Variants in FBF1 observed in about 807,000 individuals in gnomAD.
The protein encoded by FBF1 is fas-binding factor 1.
A neutral mutation model predicts 147.2 loss-of-function variants in FBF1; 119 were observed. That is an observed-to-expected ratio of 0.81 (90% CI 0.70 to 0.94). The LOEUF (loss-of-function observed/expected upper bound fraction) is 0.94, where lower values mean the gene tolerates loss of function less well. FBF1 is among the 40% of genes least tolerant of loss of function. The pLI, the probability that FBF1 is intolerant of heterozygous loss-of-function variation, is 0.00. For synonymous variants in FBF1, 601 were observed against 609.0 expected (o/e 0.99, Z 0.19); for missense variants, 1,449 against 1,500.8 (o/e 0.97, Z 0.57).
At chr17:75,938,016 C>G (rs59828131) in intron 2 of FBF1, 131 bp downstream of exon 2, 5 of 1,385,328 alleles carry the variant, frequency 3.6e-6, no homozygotes, top group Admixed American at 4.1e-5. Context: ...CCTCCTGTCA[C>G]TCTTCTCCAG....
At position 75,917,641 on chromosome 17, in the gene FBF1, G is replaced by A. The variant is rs907283898; in HGVS notation, c.2505+91C>T. On this transcript the variant is annotated intron_variant, in intron 23 of 29. Coordinates refer to ENST00000636174, the MANE Select transcript of FBF1 (RefSeq NM_001319193.2). ...TGGGGCCTTGACCTCCTGAGGAAGT[G>A]AGGTCACGGGAGTGCCGCTACACTT... is the stretch of plus-strand genomic sequence containing the variant. 31 of 1,165,826 alleles carry A rather than the reference G, an allele frequency of 2.7e-5. No homozygotes were observed. The African/African-American group carries it at 4.1e-4, about 15-fold the overall frequency. The allele number at this position is 1,165,826 out of a possible 1,614,324, so 72.2% of individuals were successfully genotyped here.
chr17:75,914,146 G>C lies in FBF1; in HGVS notation c.2967C>G (p.Ala989=), dbSNP rs935770930. Residue 989 remains alanine (A), a synonymous_variant, in exon 26 of 30, where the codon GCC becomes GCG. Coordinates refer to ENST00000636174, the MANE Select transcript of FBF1 (RefSeq NM_001319193.2). ...CCTTGCTCATGCTCTCCACCTCCTC[G>C]GCGCGGAGCTTGACACGCAGGGCGG... ...NATALRVKLR[A]EEVESMSKVA... 2 of 1,601,916 alleles carry C rather than the reference G, an allele frequency of 1.2e-6. No individual in the cohort carries two copies. Among genetic ancestry groups the C allele is most frequent in the Non-Finnish European group, 8.5e-7 (1 of 1,176,880 alleles).
At position 75,918,247 on chromosome 17, in the gene FBF1, T is replaced by C; in HGVS notation, c.2161A>G (p.Arg721Gly). The change falls in exon 21 of 30, where the codon AGA (arginine) becomes GGA (glycine). Residue 721 changes from arginine to glycine, a missense_variant. Coordinates refer to ENST00000636174, the MANE Select transcript of FBF1 (RefSeq NM_001319193.2). The surrounding 1 kb of genome is among the most constrained non-coding windows in gnomAD (Gnocchi z 5.8). ...LQRASILDMR[R>G]DHEEQLQRLK... ...CGCTGCAGCTGCTCCTCGTGGTCTC[T>C]GCGCATGTCTAGGATGGACGCCCTG... The C allele has an allele frequency of 1.2e-6, 2 of 1,613,342 alleles. No individual in the cohort carries two copies. The highest frequency in any genetic ancestry group is 1.7e-6 in the Non-Finnish European group (2 of 1,179,798).
At chr17:75,924,285 G>A (rs375465748) in intron 13 of FBF1, among the ~76,000 whole-genome samples, 7 of 152,186 alleles carry the variant, frequency 4.6e-5, no homozygotes, top group Non-Finnish European at 7.3e-5. Context: ...TTGTTCGGCC[G>A]TGGCCTTCAT....
At chr17:75,921,833 C>CACGGGGACGGGG in intron 15 of FBF1, 112 bp downstream of exon 15, 2 of 968,080 alleles carry the variant, frequency 2.1e-6, no homozygotes, top group Non-Finnish European at 3.1e-6. Flanking sequence ...CTGTGTGGGA[C>CACGGGGACGGGG]ACGGGGACGG....
intron 6 of FBF1, among the ~76,000 whole-genome samples, chr17:75,930,525 C>T (rs1183410579): frequency 6.6e-6 from 1 of 152,098 alleles, no homozygotes; most frequent in Non-Finnish European, 1.5e-5. Context: ...TTTGGGAGGC[C>T]GAGGCGGGTA....
In FBF1 at chr17:75,927,524, T is replaced by C; in HGVS notation, c.406A>G (p.Ile136Val). 6.2e-7 allele frequency: 1 copy of C among 1,600,950 alleles called. No individual in the cohort carries two copies. The highest frequency in any genetic ancestry group is 2.3e-5 in the East Asian group (1 of 44,314). ...GACGGAAGTGACTTCTTGGTGGGAA[T>C]GGCACCCCCTGCAGGAAGCAGAAGA... ...PNHPKPAGGA[I>V]PTKKSLPSPS... is the part of the protein sequence containing the mutation. Residue 136 changes from isoleucine (I) to valine (V), a missense_variant, in exon 9 of 30, where the codon ATT becomes GTT. Coordinates refer to ENST00000636174, the MANE Select transcript of FBF1 (RefSeq NM_001319193.2).
Position 75,925,549 on chromosome 17 carries a change from A to ACAC in FBF1, c.869-104_869-103insGTG. On this transcript the variant is annotated intron_variant, in intron 12 of 29. Coordinates refer to ENST00000636174, the MANE Select transcript of FBF1 (RefSeq NM_001319193.2). This position sits in a 1 kb window ranked among gnomAD's most constrained non-coding sequence, Gnocchi z 5.0. ...AGCTGAATTTGGTAGCTTGTTGTGTAAGACAAGCAGAGGGAAGCTGCTGTG... is the reference window on the plus strand; with the variant it reads ...AGCTGAATTTGGTAGCTTGTTGTGTACACAGACAAGCAGAGGGAAGCTGCTGTG... 3.0e-6 allele frequency: 3 copies of ACAC among 1,016,182 alleles called. No individual in the cohort carries two copies. Among genetic ancestry groups the ACAC allele is most frequent in the Non-Finnish European group, 4.4e-6 (3 of 683,608 alleles). 62.9% of individuals were successfully genotyped at this position (1,016,182 alleles called of 1,614,324 possible). A position where few individuals can be genotyped will look rare whatever the true frequency, so the allele number is the denominator to read the frequency against.
chr17:75,911,534 A>T lies in FBF1; in HGVS notation c.3363+658T>A, dbSNP rs75894818. Among the ~76,000 whole-genome samples the T allele has an allele frequency of 4.4e-3, 665 of 151,898 alleles. 2 individuals carry two copies. Among genetic ancestry groups the T allele is most frequent in the African/African-American group, 0.015 (639 of 41,406 alleles). On this transcript the variant is annotated intron_variant, in intron 29 of 29. Coordinates refer to ENST00000636174, the MANE Select transcript of FBF1 (RefSeq NM_001319193.2). ...GCTAATTTTTAAATTTTTAATATTT[A>T]TTTTTTTGAGACAGAGTCTCGCTCT...
At position 75,914,990 on chromosome 17, in the gene FBF1, G is replaced by A. The variant is rs1376945501; in HGVS notation, c.2628+27C>T. ...GTCCCTGGGCATAATGGCAGGGGCA[G>A]GGGCTGAGTGCGGTGGCTTGACTCA... On this transcript the variant is annotated intron_variant, in intron 24 of 29. Transcript: ENST00000636174. 3 of 1,612,828 alleles carry A rather than the reference G, an allele frequency of 1.9e-6. No homozygotes were observed. In the South Asian group the frequency reaches 3.3e-5, roughly 18 times the overall value.
rs376515711 is a variant in FBF1, at chr17:75,919,707, T to C, written c.2099A>G (p.Glu700Gly). ...GAGCCGCTCCATTTCCTGGTCCTTC[T>C]CCTGCGCTATGGCCGCCAAGCGCCG... is the stretch of plus-strand genomic sequence containing the variant. ...HQRRLAAIAQ[E>G]KDQEMERLRE... Residue 700 changes from glutamate to glycine, a missense_variant, in exon 20 of 30, where the codon GAG (glutamate) becomes GGG (glycine). Physicochemically the swap from Glu to Gly is moderately conservative, Grantham distance 98. Coordinates refer to ENST00000636174, the MANE Select transcript of FBF1 (RefSeq NM_001319193.2). The surrounding 1 kb of genome is among the most constrained non-coding windows in gnomAD (Gnocchi z 5.0). The C allele has an allele frequency of 1.9e-6, 3 of 1,612,126 alleles. No homozygotes were observed. In the African/African-American group the frequency reaches 4.0e-5, roughly 22 times the overall value.
In FBF1 at chr17:75,925,407, C is replaced by G. The variant is rs2065554289; in HGVS notation, c.908G>C (p.Gly303Ala). Residue 303 changes from glycine to alanine, a missense_variant, in exon 13 of 30, where the codon GGA becomes GCA. By Grantham distance (60) the Gly-to-Ala change is moderately conservative. Coordinates refer to ENST00000636174, the MANE Select transcript of FBF1 (RefSeq NM_001319193.2). The surrounding 1 kb of genome is among the most constrained non-coding windows in gnomAD (Gnocchi z 5.0). ...GGAGACCACAGTGGGCTGATAGGCT[C>G]CAAAGGTGAAGTCCTCGTCACCCCA... ...DMWGDEDFTFGAYQPTVVSSE... is the reference protein window; with the variant it reads ...DMWGDEDFTFAAYQPTVVSSE... 6.2e-7 allele frequency: 1 copy of G among 1,613,708 alleles called. No homozygotes were observed. Among genetic ancestry groups the G allele is most frequent in the African/African-American group, 1.3e-5 (1 of 75,044 alleles).
At position 75,920,254 on chromosome 17, in the gene FBF1, A is replaced by G. The variant is rs759157555; in HGVS notation, c.1830+20T>C. On this transcript the variant is annotated intron_variant, in intron 18 of 29. Transcript: ENST00000636174. ...TGTCGCAACCCTGCCACCAGCACCA[A>G]CGGCCCCGCTGCCCCTCACCTGGGC... 9 of 1,602,584 alleles carry G rather than the reference A, an allele frequency of 5.6e-6. No individual in the cohort carries two copies. In the Admixed American group the frequency reaches 6.7e-5, roughly 12 times the overall value.
intron 7 of FBF1, 33 bp downstream of exon 7, chr17:75,929,964 C>CCCCTGTAAAAAAA: frequency 7.1e-7 from 1 of 1,402,202 alleles, no homozygotes; most frequent in African/African-American, 1.4e-5. Context: ...CACCCACCCC[C>CCCCTGTAAAAAAA]AGTTCTAAGA....
chr17:75,935,805 T>C (rs1023257177), intron 3 of FBF1, 132 bp from the exon 4 acceptor site: 18 of 751,714 alleles, frequency 2.4e-5, no homozygotes, highest in Non-Finnish European at 3.1e-5. Flanking sequence ...TCTCCTTTCA[T>C]TGGCCACGAG....
intron 1 of FBF1, chr17:75,939,971 A>C (rs921323324): frequency 6.6e-6 from 1 of 152,052 alleles, no homozygotes; most frequent in African/African-American, 2.4e-5. Context: ...TTTTAGACGG[A>C]GTCTTGCTCT....
intron 4 of FBF1, among the ~76,000 whole-genome samples, chr17:75,933,607 C>T (rs1598161573): frequency 2.6e-5 from 4 of 152,180 alleles, no homozygotes; most frequent in Non-Finnish European, 4.4e-5. Flanking sequence ...TCTCTCTGTC[C>T]CTGGTGAGCT....
chr17:75,922,795 C>T lies in FBF1; in HGVS notation c.1424+391G>A, dbSNP rs964185301. On this transcript the variant is annotated intron_variant, in intron 14 of 29. Coordinates refer to ENST00000636174, the MANE Select transcript of FBF1 (RefSeq NM_001319193.2). The surrounding 1 kb of genome is among the most constrained non-coding windows in gnomAD (Gnocchi z 5.0). The stretch of plus-strand genomic sequence containing the variant: ...CATCTCAGCTCACACACGCCATACT[C>T]GCTTCAGTGGAGTCGGCAGAAGCAC... Among the ~76,000 whole-genome samples the T allele has an allele frequency of 1.3e-5, 2 of 152,258 alleles. No homozygotes were observed. Among genetic ancestry groups the T allele is most frequent in the Non-Finnish European group, 2.9e-5 (2 of 68,048 alleles).
chr17:75,915,255 G>A (rs1599481412), intron 23 of FBF1, 116 bp from the exon 24 acceptor site: 3 of 1,415,000 alleles, frequency 2.1e-6, no homozygotes, highest in African/African-American at 1.4e-5. Flanking sequence ...CCACTGACAC[G>A]TCCTTCCCAA....
Sources: gnomAD v4.1 joint callset for allele counts (sites outside exome capture counted in the v4.1 genomes callset) on GRCh38, gnomAD v4.1.1 for gene constraint, Gnocchi (gnomAD v3.1) non-coding constraint, MANE v1.5 for transcripts, NCBI Gene and HGNC (gene_info 2026-07-23, HGNC 2026-07-21) for gene names.